The following ARHGAP24 variants were observed in gnomAD, a reference collection of about 807,000 sequenced individuals.
The protein encoded by ARHGAP24 is rho GTPase-activating protein 24.
ARHGAP24 carries 50 observed loss-of-function variants against 76.4 expected under a neutral mutation model. The observed-to-expected ratio is 0.65, with a 90% CI of 0.52 to 0.83. ARHGAP24 has a LOEUF of 0.83. Among genes scored for constraint, ARHGAP24 ranks in the 40% least tolerant of loss-of-function variants. The pLI is 0.00. For missense variants in ARHGAP24, 930 were observed against 914.2 expected, an observed-to-expected ratio of 1.02 and a Z score of -0.22; for synonymous variants, 345 against 323.3, an observed-to-expected ratio of 1.07 and a Z score of -0.72.
chr4:85,967,796 GAC>G, intron 5 of ARHGAP24, among the ~76,000 whole-genome samples: 1 of 152,250 alleles, frequency 6.6e-6, no homozygotes, highest in Non-Finnish European at 1.5e-5. Flanking sequence ...CCTGTTAAAA[GAC>G]AGAATTACAA....
intron 4 of ARHGAP24, 81 bp downstream of exon 4, chr4:85,923,851 T>G (rs2148812015): frequency 6.3e-7 from 1 of 1,590,682 alleles, no homozygotes; most frequent in South Asian, 1.1e-5. Context: ...ATGTTACTAT[T>G]AGCTCCTGTA....
chr4:85,956,981 C>G (rs1043367512), intron 5 of ARHGAP24, among the ~76,000 whole-genome samples: 1 of 152,186 alleles, frequency 6.6e-6, no homozygotes, highest in Non-Finnish European at 1.5e-5. Flanking sequence ...TAGTCCCTCC[C>G]GCTGTGCTCT....
intron 3 of ARHGAP24, among the ~76,000 whole-genome samples, chr4:85,904,188 T>A (rs1734647459): frequency 6.6e-6 from 1 of 152,124 alleles, no homozygotes; most frequent in African/African-American, 2.4e-5. Context: ...TCCTGCAGGC[T>A]ATACAGGAAG....
chr4:85,955,014 A>C (rs346483), intron 5 of ARHGAP24, among the ~76,000 whole-genome samples: 90,469 of 152,014 alleles, frequency 0.6, 27,318 homozygotes, highest in East Asian at 0.81. Flanking sequence ...CTGTCTCAAA[A>C]ATAAATAAAT....
Position 85,485,347 on chromosome 4 carries a change from CAAAAAAAAAAAA to C in ARHGAP24, c.-21+9807_-21+9818del, listed in dbSNP as rs1157207535. Among the ~76,000 whole-genome samples, 43 of 6,718 alleles carry C rather than the reference CAAAAAAAAAAAA, an allele frequency of 6.4e-3. 1 individual carries two copies. Among genetic ancestry groups the C allele is most frequent in the African/African-American group, 0.017 (40 of 2,408 alleles). The allele number at this position is 6,718 out of a possible 152,430, so 4.4% of individuals were successfully genotyped here. On this transcript the variant is annotated intron_variant, in intron 1 of 9. Transcript: ENST00000395184. ...TGGGTGACAGAGCAAGACTCCATCT[CAAAAAAAAAAAA>C]AAAAAAAAAAAAAAAAAATATATAT... is the stretch of plus-strand genomic sequence containing the variant.
intron 4 of ARHGAP24, chr4:85,930,887 T>C: frequency 6.2e-7 from 1 of 1,612,730 alleles, no homozygotes; most frequent in Non-Finnish European, 8.5e-7. Flanking sequence ...AGAGGCAGGT[T>C]TTAAAGGAAG....
At chr4:85,787,669 A>T (rs1727915454) in intron 3 of ARHGAP24, among the ~76,000 whole-genome samples, 1 of 152,206 alleles carries the variant, frequency 6.6e-6, no homozygotes, top group Non-Finnish European at 1.5e-5. Context: ...AGAGCAAATA[A>T]TGCAGATATT....
intron 2 of ARHGAP24, among the ~76,000 whole-genome samples, chr4:85,689,966 C>G (rs72972865): frequency 0.042 from 6,400 of 152,200 alleles, 427 homozygotes; most frequent in African/African-American, 0.15. Flanking sequence ...ATGATTCTAG[C>G]TTTTGCCCAT....
intron 3 of ARHGAP24, among the ~76,000 whole-genome samples, chr4:85,921,191 T>C (rs1036301421): frequency 5.9e-5 from 9 of 152,216 alleles, no homozygotes; most frequent in Non-Finnish European, 2.9e-5. Flanking sequence ...CGGAACACTA[T>C]GTAGCCATTT....
At chr4:85,498,589 G>A (rs1395365383) in intron 1 of ARHGAP24, among the ~76,000 whole-genome samples, 1 of 151,276 alleles carries the variant, frequency 6.6e-6, no homozygotes, top group African/African-American at 2.4e-5. Context: ...ACAAGGAAGT[G>A]AGGAGACCAC....
intron 3 of ARHGAP24, among the ~76,000 whole-genome samples, chr4:85,889,370 A>C (rs1015375976): frequency 8.5e-5 from 13 of 152,248 alleles, no homozygotes; most frequent in Non-Finnish European, 1.8e-4. Context: ...GTAAATTTAT[A>C]AACTATCCTA....
chr4:85,651,069 A>C lies in ARHGAP24; in HGVS notation c.181-70816A>C, dbSNP rs943596527. Among the ~76,000 whole-genome samples, 18 of 149,194 alleles carry C rather than the reference A, an allele frequency of 1.2e-4. 1 individual carries two copies. Among genetic ancestry groups the C allele is most frequent in the South Asian group, 2.1e-4 (1 of 4,822 alleles). On this transcript the variant is annotated intron_variant, in intron 2 of 9. Transcript: ENST00000395184. ...AAGGTCTGCATGGGAAAAATATTCC[A>C]GGTGGAAGCAGCAGCGTATGCAAAG...
rs548909691 is a variant in ARHGAP24 at position 85,975,087 on chromosome 4, A to G, written c.806+126A>G. ...CCCTAGTGTTGGCCTCTGTAAAATT[A>G]AAAGATTGGACAAGGTGATCTCAGA... On this transcript the variant is annotated intron_variant, in intron 7 of 9. Transcript: ENST00000395184. The G allele has an allele frequency of 6.1e-6, 5 of 816,804 alleles. No homozygotes were observed. In the South Asian group the frequency reaches 7.2e-5, roughly 12 times the overall value. 50.6% of individuals were successfully genotyped at this position (816,804 alleles called of 1,614,324 possible). A position where few individuals can be genotyped will look rare whatever the true frequency, so the allele number is the denominator to read the frequency against.
rs113394583 is a variant in ARHGAP24, at chr4:85,936,273, G to A, written c.392-5793G>A. On this transcript the variant is annotated intron_variant, in intron 4 of 9. Transcript: ENST00000395184. ...CACGAACTATCAATGAGTTTCATTTGACATTGGAATTATTCATTTATTTTC... is the reference window on the plus strand; with the variant it reads ...CACGAACTATCAATGAGTTTCATTTAACATTGGAATTATTCATTTATTTTC... 3.8e-3 allele frequency among the ~76,000 whole-genome samples: 572 copies of A among 152,264 alleles called. 8 individuals carry two copies. The highest frequency in any genetic ancestry group is 0.013 in the African/African-American group (544 of 41,564).
chr4:85,713,371 G>A (rs1388883870), intron 2 of ARHGAP24, among the ~76,000 whole-genome samples: 1 of 151,944 alleles, frequency 6.6e-6, no homozygotes, highest in African/African-American at 2.4e-5. Context: ...CAAGTAATAT[G>A]TACTCATTAT....
At chr4:85,593,123 G>T (rs1448233775) in intron 2 of ARHGAP24, among the ~76,000 whole-genome samples, 4 of 152,018 alleles carry the variant, frequency 2.6e-5, no homozygotes, top group African/African-American at 9.7e-5. Flanking sequence ...ATTTGTTATT[G>T]CCTGTCTTTT....
At position 85,533,108 on chromosome 4, in the gene ARHGAP24, T is replaced by C. The variant is rs550347081; in HGVS notation, c.-20-37414T>C. ...GTAGGGGACATTCTGAGATAAAATA[T>C]ATAGTGGGAATATTTGGTGGAGAGT... On this transcript the variant is annotated intron_variant, in intron 1 of 9. Coordinates refer to ENST00000395184, the MANE Select transcript of ARHGAP24 (RefSeq NM_001025616.3). Among the ~76,000 whole-genome samples, 4 of 152,288 alleles carry C rather than the reference T, an allele frequency of 2.6e-5. No individual in the cohort carries two copies. The South Asian group carries it at 8.3e-4, about 32-fold the overall frequency.
At chr4:85,659,838 A>AGG (rs1722312281) in intron 2 of ARHGAP24, among the ~76,000 whole-genome samples, 1 of 152,186 alleles carries the variant, frequency 6.6e-6, no homozygotes, top group Admixed American at 6.5e-5. Context: ...TTCTGGATCC[A>AGG]GGGGTAGTAC....
chr4:85,605,656 A>G lies in ARHGAP24; in HGVS notation c.180+34935A>G, dbSNP rs116315598. Among the ~76,000 whole-genome samples the G allele has an allele frequency of 4.2e-3, 647 of 152,364 alleles. 3 individuals carry two copies. Among genetic ancestry groups the G allele is most frequent in the Non-Finnish European group, 7.2e-3 (489 of 68,020 alleles). ...AAAAAGCTGATACTATACATTATGT[A>G]CAGTAAACTCTCACCTATTTAAAAT... On this transcript the variant is annotated intron_variant, in intron 2 of 9. Coordinates refer to ENST00000395184, the MANE Select transcript of ARHGAP24 (RefSeq NM_001025616.3).
Sources: gnomAD v4.1 joint callset for allele counts (sites outside exome capture counted in the v4.1 genomes callset) on GRCh38, gnomAD v4.1.1 for gene constraint, MANE v1.5 for transcripts, NCBI Gene and HGNC (gene_info 2026-07-23, HGNC 2026-07-21) for gene names.